KIF11: variants seen among roughly 807,000 people sequenced by gnomAD.
The protein encoded by KIF11 is kinesin-like protein KIF11.
In KIF11, 9 loss-of-function variants were observed where a neutral mutation model predicts 121.0. That is an observed-to-expected ratio of 0.07 (90% CI 0.04 to 0.13). KIF11 has a LOEUF of 0.13. Ranked by LOEUF, KIF11 falls within the 10% of genes least tolerant of loss-of-function variation. KIF11 has a pLI of 1.00. For missense variants in KIF11, 846 were observed against 1,217.5 expected (o/e 0.69, Z 4.54); for synonymous variants, 408 against 421.0 (o/e 0.97, Z 0.38).
At chr10:92,649,772 T>C (rs1844960226) in intron 19 of KIF11, 63 bp from the exon 20 acceptor site, 2 of 1,195,874 alleles carry the variant, frequency 1.7e-6, no homozygotes, top group African/African-American at 3.1e-5. Context: ...AAGTTTTAGG[T>C]TTTTTTAAAA....
In KIF11 at chr10:92,613,340, A is replaced by G. The variant is rs561336832; in HGVS notation, c.790-37A>G. 7.6e-6 allele frequency: 11 copies of G among 1,453,326 alleles called. No homozygotes were observed. The highest frequency in any genetic ancestry group is 6.6e-5 in the Admixed American group (3 of 45,410). The allele number at this position is 1,453,326 out of a possible 1,614,324, so 90.0% of individuals were successfully genotyped here. A position where few individuals can be genotyped will look rare whatever the true frequency, so the allele number is the denominator to read the frequency against. On this transcript the variant is annotated intron_variant, in intron 7 of 21. Coordinates refer to ENST00000260731, the MANE Select transcript of KIF11 (RefSeq NM_004523.4). This position sits in a 1 kb window ranked among gnomAD's most constrained non-coding sequence, Gnocchi z 4.2. ...ATGAAAGTCTTTGAATCCAAATCCA[A>G]TAGACTCACTTTTTATTTTTATTTT...
intron 1 of KIF11, among the ~76,000 whole-genome samples, chr10:92,597,992 G>T (rs944610667): frequency 6.6e-6 from 1 of 151,564 alleles, no homozygotes; most frequent in African/African-American, 2.4e-5. Flanking sequence ...TTGCTTTATT[G>T]CCCAGACTTG....
chr10:92,648,107 C>T (rs1181159457), intron 18 of KIF11, 105 bp from the exon 19 acceptor site: 4 of 693,530 alleles, frequency 5.8e-6, no homozygotes, highest in African/African-American at 8.7e-5. Context: ...AGACTTGTCT[C>T]CAAAAAAAAA....
chr10:92,634,581 C>T (rs1203517588), intron 14 of KIF11, among the ~76,000 whole-genome samples: 2 of 152,034 alleles, frequency 1.3e-5, no homozygotes, highest in African/African-American at 4.8e-5. Context: ...GCCGAGAGTA[C>T]GTTTATATTT....
chr10:92,624,772 GT>G (rs1297187722), intron 10 of KIF11, among the ~76,000 whole-genome samples: 170 of 134,782 alleles, frequency 1.3e-3, no homozygotes, highest in Admixed American at 1.9e-3. Context: ...TGTGTGTGTG[GT>G]TTTTTTTTTT....
intron 17 of KIF11, among the ~76,000 whole-genome samples, chr10:92,643,634 G>T (rs556000619): frequency 7.0e-6 from 1 of 143,784 alleles, no homozygotes; most frequent in African/African-American, 2.7e-5. Flanking sequence ...TTGGCTCACT[G>T]CAACCTCTGC....
intron 1 of KIF11, among the ~76,000 whole-genome samples, chr10:92,595,464 C>T (rs1456995850): frequency 6.6e-6 from 1 of 152,062 alleles, no homozygotes. Flanking sequence ...CCAGGTTTGA[C>T]CCACAGGTTA....
chr10:92,626,910 C>T (rs964248451), intron 10 of KIF11, among the ~76,000 whole-genome samples: 3 of 152,228 alleles, frequency 2.0e-5, no homozygotes, highest in Middle Eastern at 3.4e-3. Context: ...CAGGTGCCCG[C>T]CACCACGCCC....
rs1487939355 is a variant in KIF11 at position 92,593,141 on chromosome 10, A to G, written c.-235A>G. 1 of 486,896 alleles carries G rather than the reference A, an allele frequency of 2.1e-6. No homozygotes were observed. Among genetic ancestry groups the G allele is most frequent in the African/African-American group, 2.0e-5 (1 of 50,248 alleles). The allele number at this position is 486,896 out of a possible 1,614,324, so 30.2% of individuals were successfully genotyped here. A position where few individuals can be genotyped will look rare whatever the true frequency, so the allele number is the denominator to read the frequency against. On this transcript the variant is annotated 5_prime_UTR_variant, in exon 1 of 22. Transcript: ENST00000260731. The stretch of plus-strand genomic sequence containing the variant: ...CCGAGTCGTTGCTTAGTTTCTGGGG[A>G]TTCGGGCGGAGACGAGATTAGTGAT...
chr10:92,613,217 G>A lies in KIF11; in HGVS notation c.789+87G>A, dbSNP rs1844516099. Reference sequence around the variant, plus strand: ...TTTGTCCTTGAGACAAAATTTTTGTGGTCACTGGGTGATTAGCTTTGTAGT... The same window carrying A: ...TTTGTCCTTGAGACAAAATTTTTGTAGTCACTGGGTGATTAGCTTTGTAGT... On this transcript the variant is annotated intron_variant, in intron 7 of 21. Transcript: ENST00000260731. This position sits in a 1 kb window ranked among gnomAD's most constrained non-coding sequence, Gnocchi z 4.2. 8.7e-7 allele frequency: 1 copy of A among 1,155,208 alleles called. No homozygotes were observed. The highest frequency in any genetic ancestry group is 2.5e-5 in the East Asian group (1 of 40,614). The allele number at this position is 1,155,208 out of a possible 1,614,324, so 71.6% of individuals were successfully genotyped here.
intron 10 of KIF11, among the ~76,000 whole-genome samples, chr10:92,623,128 T>C (rs1458480151): frequency 1.3e-5 from 2 of 152,212 alleles, no homozygotes; most frequent in African/African-American, 4.8e-5. Context: ...TTTTGTCACT[T>C]GTATAGATTT....
rs1844308151 is a variant in KIF11 at position 92,597,242 on chromosome 10, G to C, written c.77+3790G>C. 4 of 240,272 alleles carry C rather than the reference G, an allele frequency of 1.7e-5. No homozygotes were observed. In the South Asian group the frequency reaches 2.5e-4, roughly 15 times the overall value. 14.9% of individuals were successfully genotyped at this position (240,272 alleles called of 1,614,324 possible). ...TATGAGCTGCTCCAACACCTTGGCT[G>C]CTGGGGTCAGTCATCTCCAGTCTCC... On this transcript the variant is annotated intron_variant, in intron 1 of 21. Coordinates refer to ENST00000260731, the MANE Select transcript of KIF11 (RefSeq NM_004523.4).
At position 92,593,909 on chromosome 10, in the gene KIF11, T is replaced by C. The variant is rs1844262255; in HGVS notation, c.77+457T>C. Reference sequence around the variant, plus strand: ...ATCTCTGTCTTTAAACATTAAAAATTAATAAAGTGAGTTTATGTTTTTTAA... The same window carrying C: ...ATCTCTGTCTTTAAACATTAAAAATCAATAAAGTGAGTTTATGTTTTTTAA... On this transcript the variant is annotated intron_variant, in intron 1 of 21. Coordinates refer to ENST00000260731, the MANE Select transcript of KIF11 (RefSeq NM_004523.4). 2.6e-5 allele frequency among the ~76,000 whole-genome samples: 4 copies of C among 152,324 alleles called. No individual in the cohort carries two copies. The South Asian group carries it at 8.3e-4, about 32-fold the overall frequency.
chr10:92,615,026 G>A (rs1200330724), intron 8 of KIF11, among the ~76,000 whole-genome samples: 1 of 151,962 alleles, frequency 6.6e-6, no homozygotes, highest in Non-Finnish European at 1.5e-5. Context: ...GAACTCCTGG[G>A]CTCAAGGGAT....
At chr10:92,648,467 T>A in intron 19 of KIF11, 33 bp downstream of exon 19, 1 of 1,410,958 alleles carries the variant, frequency 7.1e-7, no homozygotes, top group Non-Finnish European at 9.7e-7. Context: ...TTGTTAAATT[T>A]TTTGAAGTCG....
Position 92,653,731 on chromosome 10 carries a change from G to GA in KIF11, c.3108dup (p.Glu1037ArgfsTer49), listed in dbSNP as rs1845013470. 6.2e-7 allele frequency: 1 copy of GA among 1,613,418 alleles called. No individual in the cohort carries two copies. The highest frequency in any genetic ancestry group is 8.5e-7 in the Non-Finnish European group (1 of 1,179,502). On this transcript the variant is annotated frameshift_variant, in exon 22 of 22. Transcript: ENST00000260731. LOFTEE classifies it high-confidence loss of function. ...TAACACACTGGAGAGGTCTAAAGTG[G>GA]AAGAAACTACAGAGCACTTGGTTAC...
chr10:92,652,392 G>A (rs1449764141), intron 21 of KIF11, among the ~76,000 whole-genome samples: 3 of 151,988 alleles, frequency 2.0e-5, no homozygotes, highest in Admixed American at 1.3e-4. Context: ...CGCCCGCCTC[G>A]GCCTCCCAAA....
intron 9 of KIF11, 91 bp from the exon 10 acceptor site, chr10:92,621,294 A>C: frequency 3.1e-6 from 2 of 639,222 alleles, no homozygotes; most frequent in Non-Finnish European, 5.4e-6. Context: ...AGACATAAAA[A>C]GGCTAACTTT....
At position 92,619,007 on chromosome 10, in the gene KIF11, CTTATTTATTTATTTATTTAT is replaced by C. The variant is rs200204648; in HGVS notation, c.1128+2182_1128+2201del. On this transcript the variant is annotated intron_variant, in intron 9 of 21. Transcript: ENST00000260731. ...ACATTATGTAAACGTTTGAGATTGC[CTTATTTATTTATTTATTTAT>C]TTATTTTGAGATGGAGTCTCACTCT... Among the ~76,000 whole-genome samples, 17 of 151,246 alleles carry C rather than the reference CTTATTTATTTATTTATTTAT, an allele frequency of 1.1e-4. No individual in the cohort carries two copies. In the East Asian group the frequency reaches 3.1e-3, roughly 28 times the overall value.
Sources: gnomAD v4.1 joint callset for allele counts (sites outside exome capture counted in the v4.1 genomes callset) on GRCh38, gnomAD v4.1.1 for gene constraint, Gnocchi (gnomAD v3.1) non-coding constraint, MANE v1.5 for transcripts, NCBI Gene and HGNC (gene_info 2026-07-23, HGNC 2026-07-21) for gene names.